The following TMTC2 variants were observed in gnomAD, a reference collection of about 807,000 sequenced individuals.
The protein encoded by TMTC2 is transmembrane O-mannosyltransferase targeting cadherins 2, also known as protein O-mannosyl-transferase TMTC2.
Under a neutral mutation model 82.4 loss-of-function variants are expected in TMTC2, and 43 were observed. The observed-to-expected ratio is 0.52, with a 90% confidence interval of 0.41 to 0.67. The LOEUF (loss-of-function observed/expected upper bound fraction) is 0.67. Ranked by LOEUF, TMTC2 falls within the 30% of genes least tolerant of loss-of-function variation. TMTC2 has a pLI of 0.00. For missense variants in TMTC2, 919 were observed against 1,012.4 expected, an observed-to-expected ratio of 0.91 and a Z score of 1.25; for synonymous variants, 408 against 381.9, an observed-to-expected ratio of 1.07 and a Z score of -0.80.
At chr12:82,865,813 C>G (rs1037204819) in intron 2 of TMTC2, among the ~76,000 whole-genome samples, 2 of 152,166 alleles carry the variant, frequency 1.3e-5, no homozygotes, top group African/African-American at 4.8e-5. Context: ...CAAACTGTCT[C>G]TCAGACCACA....
chr12:83,132,426 A>C lies in TMTC2; in HGVS notation c.*37A>C. The C allele has an allele frequency of 6.2e-7, 1 of 1,607,652 alleles. No individual in the cohort carries two copies. Among genetic ancestry groups the C allele is most frequent in the Non-Finnish European group, 8.5e-7 (1 of 1,177,890 alleles). ...GAAGCCCATCCTCCTCCATTTTTAA[A>C]AGCTGGCTTCCTTAGCAGACAGAAC... On this transcript the variant is annotated 3_prime_UTR_variant, in exon 12 of 12. Transcript: ENST00000321196.
intron 8 of TMTC2, among the ~76,000 whole-genome samples, chr12:83,026,448 T>A (rs1881180131): frequency 6.6e-6 from 1 of 152,060 alleles, no homozygotes; most frequent in South Asian, 2.1e-4. Flanking sequence ...AAAATCATAA[T>A]GCAATGCAAC....
chr12:82,775,513 C>T (rs1046531554), intron 1 of TMTC2, among the ~76,000 whole-genome samples: 3 of 151,672 alleles, frequency 2.0e-5, no homozygotes, highest in Admixed American at 6.6e-5. Flanking sequence ...TCAGGAGTGA[C>T]GTGTATAGAG....
intron 11 of TMTC2, among the ~76,000 whole-genome samples, chr12:83,094,356 C>A (rs372599704): frequency 3.0e-4 from 46 of 152,270 alleles, no homozygotes; most frequent in African/African-American, 1.1e-3. Context: ...GTAGACAATA[C>A]TGTGGTGTGT....
At chr12:82,972,283 T>G (rs553601947) in intron 7 of TMTC2, among the ~76,000 whole-genome samples, 4 of 152,152 alleles carry the variant, frequency 2.6e-5, no homozygotes, top group Non-Finnish European at 5.9e-5. Context: ...CTTATGATAA[T>G]CTCTTGTTTT....
At chr12:83,132,058 C>A (rs867254803) in intron 11 of TMTC2, 152 bp from the exon 12 acceptor site, 3 of 848,910 alleles carry the variant, frequency 3.5e-6, no homozygotes, top group Middle Eastern at 2.9e-4. Context: ...TCCTAGTTAT[C>A]TTTATCTGTT....
intron 11 of TMTC2, among the ~76,000 whole-genome samples, chr12:83,089,075 T>G (rs1883755166): frequency 6.6e-6 from 1 of 152,168 alleles, no homozygotes; most frequent in Admixed American, 6.5e-5. Flanking sequence ...CTTTATAAAC[T>G]ATGCTACCAG....
rs1209887253 is a variant in TMTC2 at position 82,896,280 on chromosome 12, G to A, written c.1117G>A (p.Val373Ile). The A allele has an allele frequency of 1.5e-5, 24 of 1,613,998 alleles. No homozygotes were observed. The highest frequency in any genetic ancestry group is 1.9e-5 in the Non-Finnish European group (23 of 1,180,038). Residue 373 changes from valine to isoleucine, a missense_variant, in exon 3 of 12, where the codon GTA becomes ATA. Physicochemically the swap from Val to Ile is conservative, Grantham distance 29. Transcript: ENST00000321196. Reference sequence around the variant, plus strand: ...GACTAAGTCCAGCTTTGCATCCAAAGTAGAAAATGGCATTAAAAACGATGT... The same window carrying A: ...GACTAAGTCCAGCTTTGCATCCAAAATAGAAAATGGCATTAAAAACGATGT... ...SETKSSFASK[V>I]ENGIKNDVSQ...
chr12:83,068,409 A>G (rs1882995172), intron 11 of TMTC2, among the ~76,000 whole-genome samples: 1 of 152,144 alleles, frequency 6.6e-6, no homozygotes, highest in African/African-American at 2.4e-5. Context: ...ATAAAGGATT[A>G]TTATGTTGTT....
At chr12:82,924,598 C>A (rs991234221) in intron 3 of TMTC2, among the ~76,000 whole-genome samples, 3 of 152,088 alleles carry the variant, frequency 2.0e-5, no homozygotes, top group Non-Finnish European at 4.4e-5. Context: ...AAGCAGGAAA[C>A]CTAGTTTCAG....
chr12:82,807,840 G>A (rs1054926971), intron 1 of TMTC2, among the ~76,000 whole-genome samples: 1 of 151,980 alleles, frequency 6.6e-6, no homozygotes, highest in Non-Finnish European at 1.5e-5. Flanking sequence ...GAACAAAAGA[G>A]AGTTTATGAA....
chr12:82,842,801 A>T (rs1388287639), intron 1 of TMTC2, among the ~76,000 whole-genome samples: 1 of 152,084 alleles, frequency 6.6e-6, no homozygotes, highest in Non-Finnish European at 1.5e-5. Flanking sequence ...TCTCATGTGC[A>T]TTTCTGATGT....
At chr12:82,932,389 C>T (rs560560713) in intron 4 of TMTC2, among the ~76,000 whole-genome samples, 1 of 152,116 alleles carries the variant, frequency 6.6e-6, no homozygotes, top group Non-Finnish European at 1.5e-5. Context: ...AGCACACCTG[C>T]TCCAGCACAC....
intron 1 of TMTC2, among the ~76,000 whole-genome samples, chr12:82,742,497 A>T (rs1565730546): frequency 1.3e-5 from 2 of 151,654 alleles, no homozygotes; most frequent in African/African-American, 2.4e-5. Flanking sequence ...AAACGAGATG[A>T]CTTCCCACTA....
intron 2 of TMTC2, among the ~76,000 whole-genome samples, chr12:82,878,668 C>G (rs1202630784): frequency 6.6e-6 from 1 of 152,072 alleles, no homozygotes; most frequent in Non-Finnish European, 1.5e-5. Context: ...GAACACCCAG[C>G]TGAGGACATT....
intron 2 of TMTC2, among the ~76,000 whole-genome samples, chr12:82,894,402 TGTATACA>T (rs1201716955): frequency 2.6e-5 from 4 of 152,344 alleles, no homozygotes; most frequent in African/African-American, 7.2e-5. Context: ...GTGTGGCAGT[TGTATACA>T]ATACATAGAC....
At chr12:82,843,493 G>A (rs887414373) in intron 1 of TMTC2, among the ~76,000 whole-genome samples, 1 of 152,178 alleles carries the variant, frequency 6.6e-6, no homozygotes, top group Non-Finnish European at 1.5e-5. Flanking sequence ...ATGTAAAAAG[G>A]TGATACAAAT....
At chr12:82,976,953 C>T (rs1878702248) in intron 7 of TMTC2, among the ~76,000 whole-genome samples, 1 of 151,978 alleles carries the variant, frequency 6.6e-6, no homozygotes. Flanking sequence ...AGCTATTTAT[C>T]GAGTACTCTC....
chr12:82,775,971 C>T (rs1877569226), intron 1 of TMTC2, among the ~76,000 whole-genome samples: 1 of 151,888 alleles, frequency 6.6e-6, no homozygotes, highest in Non-Finnish European at 1.5e-5. Flanking sequence ...TGAGAGGAAA[C>T]ATAATTTCCT....
Sources: gnomAD v4.1 joint callset for allele counts (sites outside exome capture counted in the v4.1 genomes callset) on GRCh38, gnomAD v4.1.1 for gene constraint, MANE v1.5 for transcripts, NCBI Gene and HGNC (gene_info 2026-07-23, HGNC 2026-07-21) for gene names.